Variants in BMAL2 observed in about 807,000 individuals in gnomAD.
The protein encoded by BMAL2 is basic helix-loop-helix ARNT like 2, also known as basic helix-loop-helix ARNT-like protein 2.
chr12:27,337,193 G>A, the BMAL2 span, among the ~76,000 whole-genome samples: 1 of 152,172 alleles, frequency 6.6e-6, no homozygotes, highest in South Asian at 2.1e-4. Context: ...AAAAGGAAAT[G>A]TAAAGAGAAT....
At chr12:27,355,817 A>T in the BMAL2 span, among the ~76,000 whole-genome samples, 3 of 152,178 alleles carry the variant, frequency 2.0e-5, no homozygotes, top group Non-Finnish European at 2.9e-5. Flanking sequence ...AGCCTAATGC[A>T]TTTTAGTTTA....
chr12:27,362,189 G>A, the BMAL2 span, among the ~76,000 whole-genome samples: 1 of 152,084 alleles, frequency 6.6e-6, no homozygotes, highest in Admixed American at 6.6e-5. Flanking sequence ...CTTTTGATTT[G>A]TCATTTGATG....
the BMAL2 span, among the ~76,000 whole-genome samples, chr12:27,358,418 C>T: frequency 6.6e-6 from 1 of 151,648 alleles, no homozygotes; most frequent in Non-Finnish European, 1.5e-5. Context: ...ATGTGGTGAA[C>T]AGGGAACACT....
the BMAL2 span, chr12:27,421,370 A>T: frequency 6.6e-6 from 1 of 152,106 alleles, no homozygotes; most frequent in African/African-American, 2.4e-5. Context: ...ATATGGTGAA[A>T]CCCCGTTTCT....
chr12:27,380,611 T>G, the BMAL2 span, among the ~76,000 whole-genome samples: 1 of 152,220 alleles, frequency 6.6e-6, no homozygotes, highest in East Asian at 1.9e-4. Context: ...GATAAAAGCT[T>G]TTTCTCAAGC....
the BMAL2 span, among the ~76,000 whole-genome samples, chr12:27,398,770 A>C: frequency 6.6e-6 from 1 of 152,230 alleles, no homozygotes; most frequent in Non-Finnish European, 1.5e-5. Flanking sequence ...TAAATTAAAA[A>C]TACAGACTTT....
chr12:27,368,894 A>G, the BMAL2 span, among the ~76,000 whole-genome samples: 1 of 152,202 alleles, frequency 6.6e-6, no homozygotes, highest in South Asian at 2.1e-4. Context: ...AATGCCCACT[A>G]TCTCCCTATT....
the BMAL2 span, among the ~76,000 whole-genome samples, chr12:27,418,836 G>T: frequency 6.6e-6 from 1 of 151,916 alleles, no homozygotes; most frequent in Non-Finnish European, 1.5e-5. Flanking sequence ...AAAATTAGCT[G>T]GGCGTAGTGG....
At chr12:27,344,527 C>G in the BMAL2 span, among the ~76,000 whole-genome samples, 1 of 152,202 alleles carries the variant, frequency 6.6e-6, no homozygotes, top group Non-Finnish European at 1.5e-5. Flanking sequence ...TAAAGGCAGG[C>G]TGAACTCCAG....
chr12:27,399,611 C>A, the BMAL2 span, among the ~76,000 whole-genome samples: 1 of 152,160 alleles, frequency 6.6e-6, no homozygotes, highest in Non-Finnish European at 1.5e-5. Context: ...TATGACAGTT[C>A]ATATCATGTT....
At chr12:27,389,529 G>A in the BMAL2 span, among the ~76,000 whole-genome samples, 1 of 152,074 alleles carries the variant, frequency 6.6e-6, no homozygotes, top group Non-Finnish European at 1.5e-5. Context: ...GGGAAAATAT[G>A]AGTGCTTCAT....
At chr12:27,410,563 G>A in the BMAL2 span, among the ~76,000 whole-genome samples, 1 of 152,128 alleles carries the variant, frequency 6.6e-6, no homozygotes, top group Non-Finnish European at 1.5e-5. Flanking sequence ...CATGGACACA[G>A]GAAGGGGAAC....
chr12:27,348,188 T>C, the BMAL2 span, among the ~76,000 whole-genome samples: 1 of 152,252 alleles, frequency 6.6e-6, no homozygotes, highest in African/African-American at 2.4e-5. Flanking sequence ...AACCTTTTAC[T>C]TTCCCCTATA....
At chr12:27,357,021 C>T in the BMAL2 span, among the ~76,000 whole-genome samples, 16 of 152,050 alleles carry the variant, frequency 1.1e-4, no homozygotes, top group Admixed American at 3.3e-4. Flanking sequence ...TTTCCATTCC[C>T]GAGTTACTTC....
chr12:27,378,276 C>T, the BMAL2 span, among the ~76,000 whole-genome samples: 5 of 152,080 alleles, frequency 3.3e-5, no homozygotes, highest in Non-Finnish European at 4.4e-5. Flanking sequence ...AATAATAGTG[C>T]GTCTTACAAT....
the BMAL2 span, among the ~76,000 whole-genome samples, chr12:27,340,013 T>C: frequency 5.0e-3 from 757 of 152,230 alleles, 7 homozygotes; most frequent in African/African-American, 0.017. Flanking sequence ...GTCAGATGCA[T>C]AATTTGCAAA....
the BMAL2 span, among the ~76,000 whole-genome samples, chr12:27,336,246 T>G: frequency 6.6e-6 from 1 of 152,166 alleles, no homozygotes; most frequent in Non-Finnish European, 1.5e-5. Flanking sequence ...CAAGGGCACC[T>G]GAGACATCCG....
the BMAL2 span, among the ~76,000 whole-genome samples, chr12:27,419,248 A>G: frequency 1.3e-5 from 2 of 152,240 alleles, no homozygotes; most frequent in Admixed American, 6.5e-5. Flanking sequence ...TTATGCTGCT[A>G]TAACAGAATA....
At chr12:27,396,086 G>A in the BMAL2 span, among the ~76,000 whole-genome samples, 7 of 152,132 alleles carry the variant, frequency 4.6e-5, no homozygotes, top group Non-Finnish European at 1.0e-4. Flanking sequence ...TGTAATTAAG[G>A]GTAAATAAGG....
Sources: gnomAD v4.1 joint callset for allele counts (sites outside exome capture counted in the v4.1 genomes callset) on GRCh38, gnomAD v4.1.1 for gene constraint, MANE v1.5 for transcripts, NCBI Gene and HGNC (gene_info 2026-07-23, HGNC 2026-07-21) for gene names.